EPHA4: variants seen among roughly 807,000 people sequenced by gnomAD.
EPHA4 encodes the protein EPH receptor A4, also known as ephrin type-A receptor 4.
In EPHA4, 19 loss-of-function variants were observed where a neutral mutation model predicts 108.3. The ratio of observed to expected loss-of-function variants is 0.18; its 90% confidence interval spans 0.12 to 0.26. EPHA4 has a LOEUF of 0.26. Among genes scored for constraint, EPHA4 ranks in the 10% least tolerant of loss-of-function variants. The pLI is 1.00. For missense variants in EPHA4, 917 were observed against 1,254.0 expected (o/e 0.73, Z 4.06); for synonymous variants, 449 against 455.5 (o/e 0.99, Z 0.18).
chr2:221,520,131 A>G (rs1394608879), intron 3 of EPHA4, among the ~76,000 whole-genome samples: 1 of 151,808 alleles, frequency 6.6e-6, no homozygotes, highest in African/African-American at 2.4e-5. Flanking sequence ...AATGATCCCC[A>G]CTGTATATAC....
At chr2:221,490,753 G>C (rs16862777) in intron 4 of EPHA4, among the ~76,000 whole-genome samples, 34,953 of 152,102 alleles carry the variant, frequency 0.23, 4,736 homozygotes, top group East Asian at 0.37. Context: ...GTCAACAGTT[G>C]GGATGCATTA....
At chr2:221,516,746 C>G (rs1693000828) in intron 3 of EPHA4, among the ~76,000 whole-genome samples, 2 of 152,152 alleles carry the variant, frequency 1.3e-5, no homozygotes, top group African/African-American at 4.8e-5. Context: ...ATTAGTCCAG[C>G]ACGTTTATCT....
chr2:221,456,840 A>T, intron 6 of EPHA4, 68 bp from the exon 7 acceptor site: 1 of 1,567,220 alleles, frequency 6.4e-7, no homozygotes. Context: ...ACTAGGTGCA[A>T]TATTAAAGGA....
chr2:221,461,505 C>G (rs1056319320), intron 5 of EPHA4, among the ~76,000 whole-genome samples: 7 of 151,916 alleles, frequency 4.6e-5, no homozygotes, highest in Non-Finnish European at 1.0e-4. Flanking sequence ...ATAAAAAGAC[C>G]AAGTGGAAAA....
intron 5 of EPHA4, among the ~76,000 whole-genome samples, chr2:221,468,207 C>A (rs1191862377): frequency 3.3e-5 from 5 of 151,146 alleles, no homozygotes; most frequent in South Asian, 2.1e-4. Flanking sequence ...CAATGCCCTC[C>A]AATCACTTCC....
chr2:221,537,220 A>C (rs184715308), intron 3 of EPHA4, among the ~76,000 whole-genome samples: 1 of 152,366 alleles, frequency 6.6e-6, no homozygotes, highest in Admixed American at 6.5e-5. Context: ...ATTGACAGCT[A>C]AATCCAAGGA....
intron 6 of EPHA4, 84 bp from the exon 7 acceptor site, chr2:221,456,856 G>A: frequency 1.4e-6 from 2 of 1,472,746 alleles, no homozygotes; most frequent in Non-Finnish European, 1.9e-6. Flanking sequence ...AAGGAGTCAA[G>A]CCAGTCAACT....
intron 2 of EPHA4, among the ~76,000 whole-genome samples, chr2:221,566,875 AAGGAGAAGG>A (rs1448137550): frequency 9.0e-5 from 2 of 22,260 alleles, no homozygotes; most frequent in African/African-American, 3.0e-4. Context: ...GAAGAAGAAG[AAGGAGAAGG>A]AGAAGGAGAA....
chr2:221,429,298 T>A (rs544542676), intron 15 of EPHA4, among the ~76,000 whole-genome samples: 14 of 152,242 alleles, frequency 9.2e-5, no homozygotes, highest in Non-Finnish European at 1.8e-4. Context: ...CTTTATGTTC[T>A]CTACAGACTG....
At chr2:221,445,958 T>A (rs555961674) in intron 9 of EPHA4, among the ~76,000 whole-genome samples, 165 bp downstream of exon 9, 2 of 152,224 alleles carry the variant, frequency 1.3e-5, no homozygotes, top group East Asian at 3.9e-4. Flanking sequence ...ACCATCCAAA[T>A]CACCCATTTC....
At chr2:221,433,576 T>C (rs1010364483) in intron 14 of EPHA4, among the ~76,000 whole-genome samples, 1 of 152,192 alleles carries the variant, frequency 6.6e-6, no homozygotes, top group Non-Finnish European at 1.5e-5. Flanking sequence ...AGTGTCATTA[T>C]TGAATCCTTT....
At chr2:221,566,944 G>GGAAGAGGAAGAAGAAGA (rs1559297332) in intron 2 of EPHA4, among the ~76,000 whole-genome samples, 1 of 7,690 alleles carries the variant, frequency 1.3e-4, no homozygotes, top group African/African-American at 5.3e-4. Flanking sequence ...GAAGGAGAAG[G>GGAAGAGGAAGAAGAAGA]AGAAGGAGAA....
At chr2:221,541,696 A>T (rs1693843873) in intron 3 of EPHA4, among the ~76,000 whole-genome samples, 1 of 152,232 alleles carries the variant, frequency 6.6e-6, no homozygotes, top group African/African-American at 2.4e-5. Flanking sequence ...TGACGTTACC[A>T]ACAAACCACT....
rs568852261 is a variant in EPHA4 at position 221,469,738 on chromosome 2, C to T, written c.1319-11748G>A. 1.4e-4 allele frequency among the ~76,000 whole-genome samples: 22 copies of T among 152,250 alleles called. 1 individual carries two copies. In the South Asian group the frequency reaches 2.3e-3, roughly 16 times the overall value. On this transcript the variant is annotated intron_variant, in intron 5 of 17. Coordinates refer to ENST00000281821, the MANE Select transcript of EPHA4 (RefSeq NM_004438.5). Reference sequence around the variant, plus strand: ...CAATTCCATTAACATAGTCATTCTACGGCTGCCAAATGGCCGGGCCTTGGA... The same window carrying T: ...CAATTCCATTAACATAGTCATTCTATGGCTGCCAAATGGCCGGGCCTTGGA...
chr2:221,479,077 T>A (rs1463983103), intron 5 of EPHA4, among the ~76,000 whole-genome samples: 1 of 152,212 alleles, frequency 6.6e-6, no homozygotes, highest in Non-Finnish European at 1.5e-5. Context: ...TACAATTAAA[T>A]GATCAAAGCC....
At chr2:221,525,666 A>G (rs530725512) in intron 3 of EPHA4, among the ~76,000 whole-genome samples, 7 of 152,332 alleles carry the variant, frequency 4.6e-5, no homozygotes, top group African/African-American at 1.7e-4. Context: ...GAGGAATAAT[A>G]ATAAGAAACT....
At chr2:221,424,476 C>CA (rs201109701) in intron 17 of EPHA4, among the ~76,000 whole-genome samples, 32,952 of 139,974 alleles carry the variant, frequency 0.24, 3,871 homozygotes, top group South Asian at 0.29. Context: ...TGAAATAACT[C>CA]AAAAAAAAAA....
At chr2:221,566,587 C>G (rs1352223299) in intron 2 of EPHA4, among the ~76,000 whole-genome samples, 1 of 151,252 alleles carries the variant, frequency 6.6e-6, no homozygotes, top group East Asian at 1.9e-4. Context: ...ATTTATCTTA[C>G]AATAATGCTT....
chr2:221,557,713 A>G (rs1694345599), intron 3 of EPHA4, among the ~76,000 whole-genome samples: 1 of 152,238 alleles, frequency 6.6e-6, no homozygotes, highest in African/African-American at 2.4e-5. Flanking sequence ...AATTGAGTAG[A>G]AATCATGAAC....
Sources: gnomAD v4.1 joint callset for allele counts (sites outside exome capture counted in the v4.1 genomes callset) on GRCh38, gnomAD v4.1.1 for gene constraint, MANE v1.5 for transcripts, NCBI Gene and HGNC (gene_info 2026-07-23, HGNC 2026-07-21) for gene names.